LRBA: variants seen among roughly 807,000 people sequenced by gnomAD.
The protein encoded by LRBA is lipopolysaccharide-responsive and beige-like anchor protein.
A neutral mutation model predicts 330.0 loss-of-function variants in LRBA; 176 were observed. The ratio of observed to expected loss-of-function variants is 0.53; its 90% CI spans 0.47 to 0.60. LRBA has a LOEUF of 0.60. Ranked by LOEUF, LRBA falls within the 20% of genes least tolerant of loss-of-function variation. The probability of loss-of-function intolerance (pLI) is 0.00; values close to 1 mark genes in which losing one functional copy is unlikely to be tolerated. For missense variants in LRBA, 3,259 were observed against 3,444.8 expected, an observed-to-expected ratio of 0.95 and a Z score of 1.35; for synonymous variants, 1,230 against 1,193.0, an observed-to-expected ratio of 1.03 and a Z score of -0.64.
rs750034375 is a variant in LRBA, at chr4:150,928,497, A to G, written c.549+19T>C. ...AGGAGCATACTTTAAAATACCAAAG[A>G]GTACTTAAGTTTTTTTACCCATCGT... On this transcript the variant is annotated intron_variant, in intron 4 of 56. Coordinates refer to ENST00000651943, the MANE Select transcript of LRBA (RefSeq NM_001364905.1). 6.0e-6 allele frequency: 9 copies of G among 1,506,012 alleles called. No homozygotes were observed. The highest frequency in any genetic ancestry group is 8.3e-6 in the Non-Finnish European group (9 of 1,085,774). The allele number at this position is 1,506,012 out of a possible 1,614,324, so 93.3% of individuals were successfully genotyped here.
intron 40 of LRBA, among the ~76,000 whole-genome samples, chr4:150,528,287 CAGG>C (rs1763680050): frequency 1.3e-5 from 2 of 151,958 alleles, no homozygotes; most frequent in African/African-American, 4.8e-5. Flanking sequence ...ATCACGAGGT[CAGG>C]AGATCGAGAC....
intron 22 of LRBA, 83 bp downstream of exon 22, chr4:150,867,588 A>C: frequency 9.1e-7 from 1 of 1,100,134 alleles, no homozygotes; most frequent in Non-Finnish European, 1.3e-6. Context: ...CTTGATTTTA[A>C]GTATCGAAAT....
intron 46 of LRBA, among the ~76,000 whole-genome samples, chr4:150,423,985 G>C (rs1028771172): frequency 2.6e-5 from 4 of 152,302 alleles, no homozygotes; most frequent in Admixed American, 6.5e-5. Context: ...GAAAGCTTTA[G>C]GGAAAAGATT....
In LRBA at chr4:150,654,471, G is replaced by A. The variant is rs890933417; in HGVS notation, c.5921+29080C>T. ...CCCAAAGTGCTGGGATTGCAGGCACGAGGCACTGTGCCCAGTCAAGAAGTC... is the reference window on the plus strand; with the variant it reads ...CCCAAAGTGCTGGGATTGCAGGCACAAGGCACTGTGCCCAGTCAAGAAGTC... On this transcript the variant is annotated intron_variant, in intron 37 of 56. Coordinates refer to ENST00000651943, the MANE Select transcript of LRBA (RefSeq NM_001364905.1). 1.9e-4 allele frequency among the ~76,000 whole-genome samples: 29 copies of A among 152,152 alleles called. 1 individual carries two copies. Among genetic ancestry groups the A allele is most frequent in the Admixed American group, 1.7e-3 (26 of 15,274 alleles).
chr4:150,574,496 G>T (rs1196679738), intron 40 of LRBA, among the ~76,000 whole-genome samples: 1 of 151,892 alleles, frequency 6.6e-6, no homozygotes, highest in Admixed American at 6.6e-5. Context: ...AGAAAATAAT[G>T]GATAAAGATA....
At chr4:150,597,428 G>C (rs1773627752) in intron 38 of LRBA, among the ~76,000 whole-genome samples, 1 of 151,702 alleles carries the variant, frequency 6.6e-6, no homozygotes, top group South Asian at 2.1e-4. Context: ...ATTTTAAATT[G>C]AATTATTGAT....
At chr4:150,607,215 G>T (rs1774738372) in intron 37 of LRBA, among the ~76,000 whole-genome samples, 1 of 152,166 alleles carries the variant, frequency 6.6e-6, no homozygotes. Flanking sequence ...AGAGTCTACA[G>T]AGACAGCATC....
Position 150,897,772 on chromosome 4 carries a change from G to C in LRBA, c.1971C>G (p.Phe657Leu), listed in dbSNP as rs750497201. 6.2e-7 allele frequency: 1 copy of C among 1,612,376 alleles called. No individual in the cohort carries two copies. The highest frequency in any genetic ancestry group is 1.7e-5 in the Admixed American group (1 of 59,986). Residue 657 changes from phenylalanine to leucine, a missense_variant, in exon 15 of 57, where the codon TTC becomes TTG. Transcript: ENST00000651943. ...NQKEMLSLRA[F>L]LLMFIKQLVM... Reference sequence around the variant, plus strand: ...CTAATTGCTTAATGAACATCAACAAGAATGCTCGTAGAGAAAGCATTTCTT... The same window carrying C: ...CTAATTGCTTAATGAACATCAACAACAATGCTCGTAGAGAAAGCATTTCTT...
chr4:150,829,508 A>G (rs1341309346), intron 29 of LRBA, among the ~76,000 whole-genome samples: 1 of 152,220 alleles, frequency 6.6e-6, no homozygotes, highest in Non-Finnish European at 1.5e-5. Flanking sequence ...AGGACTTCAC[A>G]TAACAGCAAC....
Position 150,265,777 on chromosome 4 carries a change from A to G in LRBA, c.8504T>C (p.Val2835Ala), listed in dbSNP as rs1319635717. Residue 2835 changes from valine (V) to alanine (A), a missense_variant, in exon 57 of 57, where the codon GTG becomes GCG. By Grantham distance (64) the Val-to-Ala change is moderately conservative (BLOSUM62 0). Coordinates refer to ENST00000651943, the MANE Select transcript of LRBA (RefSeq NM_001364905.1). ...IISGMASGSI[V>A]LFYNDFNRWH... ...CCGGTTAAAGTCGTTGTAAAATAGCACAATGCTTCCTGAAGCCATGCCAGA... is the reference window on the plus strand; with the variant it reads ...CCGGTTAAAGTCGTTGTAAAATAGCGCAATGCTTCCTGAAGCCATGCCAGA... 1.9e-6 allele frequency: 3 copies of G among 1,613,628 alleles called. No homozygotes were observed. The highest frequency in any genetic ancestry group is 2.2e-5 in the East Asian group (1 of 44,868).
intron 37 of LRBA, among the ~76,000 whole-genome samples, chr4:150,633,473 A>G (rs1005436985): frequency 2.6e-5 from 4 of 152,242 alleles, no homozygotes; most frequent in Admixed American, 2.6e-4. Context: ...GAATAAATCC[A>G]TCTCAATTTC....
At chr4:150,779,266 C>T (rs1012434097) in intron 34 of LRBA, among the ~76,000 whole-genome samples, 1 of 152,044 alleles carries the variant, frequency 6.6e-6, no homozygotes, top group African/African-American at 2.4e-5. Flanking sequence ...TAATATATAG[C>T]CAACTTAAAC....
At chr4:150,949,269 G>A (rs1736562601) in intron 2 of LRBA, among the ~76,000 whole-genome samples, 1 of 151,990 alleles carries the variant, frequency 6.6e-6, no homozygotes, top group African/African-American at 2.4e-5. Flanking sequence ...CAATAAAAAG[G>A]AACAAACTAT....
intron 56 of LRBA, among the ~76,000 whole-genome samples, chr4:150,277,636 T>C (rs1746955294): frequency 6.6e-6 from 1 of 152,048 alleles, no homozygotes; most frequent in South Asian, 2.1e-4. Context: ...ATAAATTCCC[T>C]CTGCAGGTTT....
intron 40 of LRBA, among the ~76,000 whole-genome samples, chr4:150,550,192 T>C (rs1766405984): frequency 6.6e-6 from 1 of 152,202 alleles, no homozygotes; most frequent in Non-Finnish European, 1.5e-5. Context: ...CTTTAAACAC[T>C]GTATTTTGAT....
intron 35 of LRBA, among the ~76,000 whole-genome samples, chr4:150,755,060 C>A (rs1734107235): frequency 2.0e-5 from 3 of 152,166 alleles, no homozygotes; most frequent in Admixed American, 1.3e-4. Context: ...TGGCCTCTCT[C>A]CCTCTCTCCC....
At chr4:150,286,121 G>A (rs1748103498) in intron 53 of LRBA, 87 bp from the exon 54 acceptor site, 2 of 909,020 alleles carry the variant, frequency 2.2e-6, no homozygotes, top group South Asian at 3.2e-5. Flanking sequence ...TTTCCATCAT[G>A]CCTATTTAAT....
chr4:150,875,039 T>C (rs970226251), intron 17 of LRBA, among the ~76,000 whole-genome samples: 1 of 152,040 alleles, frequency 6.6e-6, no homozygotes, highest in South Asian at 2.1e-4. Flanking sequence ...TGCAAAGATC[T>C]TGGTGCAAGG....
rs528358321 is a variant in LRBA, at chr4:150,942,728, C to G, written c.217-13663G>C. 5.3e-5 allele frequency among the ~76,000 whole-genome samples: 8 copies of G among 152,126 alleles called. No homozygotes were observed. In the East Asian group the frequency reaches 1.5e-3, roughly 29 times the overall value. ...CCTTACAAGAACCCTGTAAGTCATA[C>G]AGATTAGTCAATTATCACATCTAGC... On this transcript the variant is annotated intron_variant, in intron 2 of 56. Coordinates refer to ENST00000651943, the MANE Select transcript of LRBA (RefSeq NM_001364905.1).
Sources: gnomAD v4.1 joint callset for allele counts (sites outside exome capture counted in the v4.1 genomes callset) on GRCh38, gnomAD v4.1.1 for gene constraint, MANE v1.5 for transcripts, NCBI Gene and HGNC (gene_info 2026-07-23, HGNC 2026-07-21) for gene names.